Variants in CNTN5 observed in about 807,000 individuals in gnomAD.
The protein encoded by CNTN5 is contactin-5.
A neutral mutation model predicts 129.1 loss-of-function variants in CNTN5; 77 were observed. The observed-to-expected ratio is 0.60, with a 90% CI of 0.50 to 0.72. The LOEUF is 0.72. CNTN5 is among the 30% of genes least tolerant of loss of function. The pLI is 0.00. For synonymous variants in CNTN5, 509 were observed against 465.6 expected (o/e 1.09, Z -1.20); for missense variants, 1,478 against 1,328.8 (o/e 1.11, Z -1.75).
chr11:99,902,791 T>G (rs1949393241), intron 6 of CNTN5, among the ~76,000 whole-genome samples: 1 of 151,096 alleles, frequency 6.6e-6, no homozygotes, highest in Non-Finnish European at 1.5e-5. Context: ...CAAAGATTAT[T>G]TTACATACTA....
chr11:100,007,306 G>A (rs1277558834), intron 9 of CNTN5, among the ~76,000 whole-genome samples: 1 of 152,022 alleles, frequency 6.6e-6, no homozygotes, highest in Non-Finnish European at 1.5e-5. Context: ...AAGAAAGTTA[G>A]CCTGTCCTTT....
intron 13 of CNTN5, among the ~76,000 whole-genome samples, chr11:100,131,687 C>T (rs1450024602): frequency 1.3e-5 from 2 of 151,924 alleles, no homozygotes; most frequent in Non-Finnish European, 2.9e-5. Context: ...GAACAAAAGG[C>T]ATGTCTGAAA....
chr11:99,738,268 G>A (rs963988297), intron 3 of CNTN5, among the ~76,000 whole-genome samples: 1 of 152,160 alleles, frequency 6.6e-6, no homozygotes, highest in Non-Finnish European at 1.5e-5. Context: ...AGAGAGGGAA[G>A]TTTGGATACT....
At chr11:99,035,176 A>T (rs1208949892) in intron 1 of CNTN5, among the ~76,000 whole-genome samples, 5 of 150,762 alleles carry the variant, frequency 3.3e-5, no homozygotes, top group African/African-American at 9.8e-5. Flanking sequence ...TGCCGAGGAG[A>T]GCTTTACTTC....
intron 1 of CNTN5, among the ~76,000 whole-genome samples, chr11:99,143,625 G>A (rs1461385996): frequency 6.6e-6 from 1 of 151,946 alleles, no homozygotes; most frequent in Non-Finnish European, 1.5e-5. Flanking sequence ...GAGGCAAGCT[G>A]TACATGGCTA....
chr11:99,992,978 C>G (rs1471337089), intron 8 of CNTN5, among the ~76,000 whole-genome samples: 1 of 152,134 alleles, frequency 6.6e-6, no homozygotes, highest in Non-Finnish European at 1.5e-5. Context: ...CAGCTCCATA[C>G]TAGGGGCAAT....
At chr11:99,203,580 CT>C (rs922960002) in intron 1 of CNTN5, among the ~76,000 whole-genome samples, 12 of 146,454 alleles carry the variant, frequency 8.2e-5, no homozygotes, top group East Asian at 2.0e-4. Context: ...TGTAACATTT[CT>C]TTTTTTTTTG....
chr11:100,057,792 A>G lies in CNTN5; in HGVS notation c.981-3420A>G, dbSNP rs570003249. Among the ~76,000 whole-genome samples, 7 of 152,158 alleles carry G rather than the reference A, an allele frequency of 4.6e-5. 1 individual carries two copies. The highest frequency in any genetic ancestry group is 1.7e-4 in the African/African-American group (7 of 41,576). On this transcript the variant is annotated intron_variant, in intron 9 of 24. Transcript: ENST00000524871. The stretch of plus-strand genomic sequence containing the variant: ...GTTATTTCTGTGGGGGAAAATACAG[A>G]AAACATATATTCATACCATATAAAT...
intron 21 of CNTN5, among the ~76,000 whole-genome samples, chr11:100,326,013 A>C (rs1414229339): frequency 6.6e-6 from 1 of 152,210 alleles, no homozygotes; most frequent in Non-Finnish European, 1.5e-5. Flanking sequence ...AAACGAGAAT[A>C]GTTCTTTTAT....
At chr11:99,259,036 AG>A (rs1862509248) in intron 1 of CNTN5, among the ~76,000 whole-genome samples, 1 of 151,668 alleles carries the variant, frequency 6.6e-6, no homozygotes, top group Non-Finnish European at 1.5e-5. Context: ...ATTATTTTCG[AG>A]TTATGATATA....
intron 2 of CNTN5, among the ~76,000 whole-genome samples, chr11:99,499,543 T>C (rs955490378): frequency 2.0e-5 from 3 of 152,126 alleles, no homozygotes; most frequent in Non-Finnish European, 4.4e-5. Context: ...AGAAATCAAT[T>C]TCTGTTCTTT....
At chr11:100,081,149 T>C (rs1944350214) in intron 13 of CNTN5, among the ~76,000 whole-genome samples, 1 of 152,112 alleles carries the variant, frequency 6.6e-6, no homozygotes, top group Middle Eastern at 3.2e-3. Flanking sequence ...TGCTAATTTT[T>C]TATTAGAAAA....
intron 21 of CNTN5, among the ~76,000 whole-genome samples, chr11:100,335,754 T>C (rs1952024872): frequency 6.8e-6 from 1 of 146,886 alleles, no homozygotes; most frequent in Non-Finnish European, 1.5e-5. Flanking sequence ...GGCAATAGCG[T>C]GAGACTCCAT....
chr11:100,320,077 A>G (rs1403377917), intron 21 of CNTN5, among the ~76,000 whole-genome samples: 2 of 152,190 alleles, frequency 1.3e-5, no homozygotes, highest in African/African-American at 4.8e-5. Flanking sequence ...TATACCAAGT[A>G]GTGAGATTGC....
At chr11:99,510,660 A>G (rs1441525244) in intron 2 of CNTN5, among the ~76,000 whole-genome samples, 1 of 152,138 alleles carries the variant, frequency 6.6e-6, no homozygotes, top group Admixed American at 6.5e-5. Flanking sequence ...TCATTTAGTG[A>G]CATTGTGTCC....
intron 1 of CNTN5, among the ~76,000 whole-genome samples, chr11:99,301,307 T>C (rs1234902751): frequency 7.8e-6 from 1 of 127,662 alleles, no homozygotes; most frequent in Admixed American, 7.6e-5. Context: ...TTGACTGAAC[T>C]GAAAAAAAAA....
chr11:99,494,386 C>T (rs1282670072), intron 2 of CNTN5, among the ~76,000 whole-genome samples: 5 of 152,166 alleles, frequency 3.3e-5, no homozygotes, highest in African/African-American at 9.7e-5. Context: ...ATTTGTCTAA[C>T]ATATTTAATA....
rs186889696 is a variant in CNTN5, at chr11:99,677,707, T to C, written c.55+121438T>C. Among the ~76,000 whole-genome samples, 4 of 151,634 alleles carry C rather than the reference T, an allele frequency of 2.6e-5. No homozygotes were observed. The East Asian group carries it at 5.8e-4, about 22-fold the overall frequency. ...CCTCGTTGTTCAAAACTGTTTATTT[T>C]ATTCTACATCCTTCTTTTTCCAGAA... On this transcript the variant is annotated intron_variant, in intron 3 of 24. Coordinates refer to ENST00000524871, the MANE Select transcript of CNTN5 (RefSeq NM_014361.4).
At chr11:100,264,133 AT>A (rs1265169674) in intron 17 of CNTN5, among the ~76,000 whole-genome samples, 1 of 152,056 alleles carries the variant, frequency 6.6e-6, no homozygotes, top group Non-Finnish European at 1.5e-5. Context: ...GGATTTAGGC[AT>A]TTGAATTATT....
Sources: gnomAD v4.1 joint callset for allele counts (sites outside exome capture counted in the v4.1 genomes callset) on GRCh38, gnomAD v4.1.1 for gene constraint, MANE v1.5 for transcripts, NCBI Gene and HGNC (gene_info 2026-07-23, HGNC 2026-07-21) for gene names.